Variants in KLHL14 observed in about 807,000 individuals in gnomAD.
The protein encoded by KLHL14 is kelch-like protein 14.
Under a neutral mutation model 64.3 loss-of-function variants are expected in KLHL14, and 22 were observed. The ratio of observed to expected loss-of-function variants is 0.34; its 90% confidence interval spans 0.24 to 0.49. The LOEUF (loss-of-function observed/expected upper bound fraction) is 0.49. Ranked by LOEUF, KLHL14 falls within the 20% of genes least tolerant of loss-of-function variation. KLHL14 has a pLI of 0.99. For missense variants in KLHL14, 661 were observed against 789.0 expected (o/e 0.84, Z 1.94); for synonymous variants, 322 against 333.4 (o/e 0.97, Z 0.37).
chr18:32,700,954 G>C (rs1210519290), intron 3 of KLHL14, among the ~76,000 whole-genome samples: 1 of 152,164 alleles, frequency 6.6e-6, no homozygotes, highest in Non-Finnish European at 1.5e-5. Flanking sequence ...TGAGGCACAG[G>C]TTTGAAATGT....
chr18:32,705,982 A>G (rs1290017223), intron 3 of KLHL14, among the ~76,000 whole-genome samples: 1 of 152,172 alleles, frequency 6.6e-6, no homozygotes, highest in Non-Finnish European at 1.5e-5. Flanking sequence ...TCTGGAAGCA[A>G]TTGGTAGCAT....
At chr18:32,715,964 A>G (rs12970723) in intron 3 of KLHL14, among the ~76,000 whole-genome samples, 43,690 of 152,080 alleles carry the variant, frequency 0.29, 6,474 homozygotes, top group Middle Eastern at 0.35. Flanking sequence ...TGGATCTTCA[A>G]TTGGAAAATC....
chr18:32,723,463 G>T (rs573643055), intron 3 of KLHL14, among the ~76,000 whole-genome samples: 53 of 152,164 alleles, frequency 3.5e-4, no homozygotes, highest in African/African-American at 1.2e-3. Flanking sequence ...GGAAGGTCAG[G>T]GTATTTACTC....
intron 5 of KLHL14, among the ~76,000 whole-genome samples, chr18:32,682,664 A>G (rs2049847835): frequency 6.6e-6 from 1 of 152,218 alleles, no homozygotes; most frequent in South Asian, 2.1e-4. Context: ...AAGTGCCTGC[A>G]GATAAACTGA....
chr18:32,770,442 C>A lies in KLHL14; in HGVS notation c.150G>T (p.Val50=), dbSNP rs143489425. The part of the protein sequence containing the change: ...QGQQFHCHKA[V]LASCSQYFRS... ...GGAAGTACTGCGAGCAGGAGGCCAG[C>A]ACGGCCTTGTGGCAATGGAACTGCT... Residue 50 remains valine (V), a synonymous_variant, in exon 2 of 9, where the codon GTG becomes GTT. Transcript: ENST00000359358. This position sits in a 1 kb window ranked among gnomAD's most constrained non-coding sequence, Gnocchi z 6.7. The A allele has an allele frequency of 1.8e-3, 2,968 of 1,611,964 alleles. 37 individuals carry two copies. The East Asian group carries it at 0.032, about 18-fold the overall frequency.
intron 2 of KLHL14, among the ~76,000 whole-genome samples, chr18:32,759,767 G>A (rs572507370): frequency 6.6e-6 from 1 of 152,082 alleles, no homozygotes; most frequent in South Asian, 2.1e-4. Context: ...AGGAGAGGGA[G>A]ATTACAGGAA....
chr18:32,770,261 G>C lies in KLHL14; in HGVS notation c.331C>G (p.Pro111Ala). ...QEEPGTPSSS[P>A]DDKLLTSPRA... The stretch of plus-strand genomic sequence containing the variant: ...GGGCTGGTCAGCAGCTTGTCGTCGG[G>C]GGAGGAAGAAGGAGTCCCGGGCTCC... Residue 111 changes from proline (P) to alanine (A), a missense_variant, in exon 2 of 9, where the codon CCC (proline) becomes GCC (alanine). This residue lies in a region of KLHL14 where 331 missense variants were observed against 339.0 expected (regional missense o/e 0.98). Coordinates refer to ENST00000359358, the MANE Select transcript of KLHL14 (RefSeq NM_020805.3). The surrounding 1 kb of genome is among the most constrained non-coding windows in gnomAD (Gnocchi z 6.7). 1 of 1,594,826 alleles carries C rather than the reference G, an allele frequency of 6.3e-7. No homozygotes were observed. Among genetic ancestry groups the C allele is most frequent in the Non-Finnish European group, 8.6e-7 (1 of 1,168,842 alleles).
At chr18:32,720,398 A>G (rs7228954) in intron 3 of KLHL14, among the ~76,000 whole-genome samples, 56,727 of 151,974 alleles carry the variant, frequency 0.37, 12,698 homozygotes, top group African/African-American at 0.63. Context: ...ATGACACTTA[A>G]GATTTCAGGT....
chr18:32,685,336 G>C (rs1222328504), intron 5 of KLHL14, among the ~76,000 whole-genome samples: 3 of 152,076 alleles, frequency 2.0e-5, no homozygotes, highest in African/African-American at 4.8e-5. Flanking sequence ...CTCTACAGTG[G>C]GATAATTGAC....
chr18:32,688,224 T>C (rs2049889367), intron 4 of KLHL14, among the ~76,000 whole-genome samples: 1 of 152,102 alleles, frequency 6.6e-6, no homozygotes, highest in Admixed American at 6.6e-5. Flanking sequence ...TAACTAAACA[T>C]TGAGAGATGG....
chr18:32,745,769 CAGTT>C (rs1304025017), intron 2 of KLHL14, among the ~76,000 whole-genome samples: 1 of 152,194 alleles, frequency 6.6e-6, no homozygotes, highest in Admixed American at 6.5e-5. Flanking sequence ...ACAATAACGA[CAGTT>C]AATAATGAAT....
chr18:32,766,849 TGA>T (rs574285116), intron 2 of KLHL14, among the ~76,000 whole-genome samples: 31 of 152,170 alleles, frequency 2.0e-4, no homozygotes, highest in African/African-American at 6.7e-4. Context: ...CTAGGCTTAA[TGA>T]AAACTCAAAA....
intron 3 of KLHL14, among the ~76,000 whole-genome samples, chr18:32,695,863 T>C (rs1293190605): frequency 6.6e-6 from 1 of 152,168 alleles, no homozygotes; most frequent in East Asian, 1.9e-4. Context: ...TGCCTGATGA[T>C]GTGGATAGTG....
intron 3 of KLHL14, among the ~76,000 whole-genome samples, chr18:32,708,149 G>A (rs1432196715): frequency 1.3e-5 from 2 of 152,158 alleles, no homozygotes; most frequent in Non-Finnish European, 2.9e-5. Context: ...ATGGATGGAT[G>A]TATTTCTGAC....
chr18:32,693,305 G>A (rs1022235244), intron 4 of KLHL14, among the ~76,000 whole-genome samples: 3 of 151,360 alleles, frequency 2.0e-5, no homozygotes, highest in Admixed American at 6.6e-5. Context: ...ATGACCTCAC[G>A]TGCCAAATGA....
intron 3 of KLHL14, among the ~76,000 whole-genome samples, chr18:32,724,321 C>A (rs2050095214): frequency 6.6e-6 from 1 of 152,188 alleles, no homozygotes; most frequent in Non-Finnish European, 1.5e-5. Context: ...TTTGAAAGTG[C>A]TTTCCAACTG....
chr18:32,723,908 T>C (rs2050092520), intron 3 of KLHL14, among the ~76,000 whole-genome samples: 1 of 152,218 alleles, frequency 6.6e-6, no homozygotes, highest in African/African-American at 2.4e-5. Context: ...AATTTTAATA[T>C]GGCACTTTGT....
chr18:32,772,296 T>C, intron 1 of KLHL14: 1 of 355,804 alleles, frequency 2.8e-6, no homozygotes, highest in Non-Finnish European at 5.9e-6. Flanking sequence ...AGGTGGACCC[T>C]ACCCTCCCTC....
In KLHL14 at chr18:32,677,165, A is replaced by G. The variant is rs1288500481; in HGVS notation, c.1746+8T>C. ...ATAAAGGAGGATGCAGTAAATGTGGACACATACCATACTCCAGCTGTAGCC... is the reference window on the plus strand; with the variant it reads ...ATAAAGGAGGATGCAGTAAATGTGGGCACATACCATACTCCAGCTGTAGCC... On this transcript the variant is annotated splice_region_variant and intron_variant, in intron 8 of 8. Transcript: ENST00000359358. The G allele has an allele frequency of 6.2e-6, 10 of 1,608,704 alleles. No homozygotes were observed. Among genetic ancestry groups the G allele is most frequent in the Middle Eastern group, 3.3e-4 (2 of 6,018 alleles).
Sources: allele counts gnomAD v4.1 joint callset (sites outside exome capture counted in the v4.1 genomes callset), GRCh38; gene constraint gnomAD v4.1.1; regional missense constraint gnomAD v4.1.1; non-coding constraint Gnocchi (gnomAD v3.1); transcripts MANE v1.5; gene names NCBI Gene and HGNC (gene_info 2026-07-23, HGNC 2026-07-21).